The following COG5 variants were observed in gnomAD, a reference collection of about 807,000 sequenced individuals.
COG5 encodes the protein conserved oligomeric Golgi complex subunit 5.
In COG5, 86 loss-of-function variants were observed where a neutral mutation model predicts 110.4. The observed-to-expected ratio is 0.78, with a 90% CI of 0.65 to 0.93. COG5 has a LOEUF of 0.93. Ranked by LOEUF, COG5 falls within the 40% of genes least tolerant of loss-of-function variation. COG5 has a pLI of 0.00. For missense variants in COG5, 1,077 were observed against 987.0 expected (o/e 1.09, Z -1.22); for synonymous variants, 360 against 334.6 (o/e 1.08, Z -0.83).
chr7:107,336,723 C>A (rs545280113), intron 10 of COG5, among the ~76,000 whole-genome samples: 4 of 152,144 alleles, frequency 2.6e-5, no homozygotes, highest in Non-Finnish European at 5.9e-5. Context: ...ATTAAAGTCA[C>A]TGACAGGGTT....
chr7:107,291,325 G>A (rs549829312), intron 12 of COG5, among the ~76,000 whole-genome samples: 2 of 152,052 alleles, frequency 1.3e-5, no homozygotes, highest in Admixed American at 1.3e-4. Flanking sequence ...TCTCTGCCAG[G>A]TCAAAGCTAT....
At chr7:107,207,352 G>C (rs1021568488) in intron 21 of COG5, among the ~76,000 whole-genome samples, 1 of 152,174 alleles carries the variant, frequency 6.6e-6, no homozygotes, top group African/African-American at 2.4e-5. Flanking sequence ...TGAGGGAATG[G>C]CTTCCAGATT....
chr7:107,469,385 T>C (rs926941793), intron 6 of COG5, among the ~76,000 whole-genome samples: 1 of 152,144 alleles, frequency 6.6e-6, no homozygotes, highest in Non-Finnish European at 1.5e-5. Flanking sequence ...TGATTACTGA[T>C]TGAAGTTTTA....
At chr7:107,547,426 GAAAAGTTGA>G (rs1454420416) in intron 5 of COG5, among the ~76,000 whole-genome samples, 4 of 152,178 alleles carry the variant, frequency 2.6e-5, no homozygotes, top group Non-Finnish European at 5.9e-5. Flanking sequence ...AATCAACAGT[GAAAAGTTGA>G]AAGCTTTTCC....
chr7:107,299,855 A>ATATATATC, intron 11 of COG5, among the ~76,000 whole-genome samples: 1 of 136,744 alleles, frequency 7.3e-6, no homozygotes, highest in Middle Eastern at 3.4e-3. Flanking sequence ...ATATATATAT[A>ATATATATC]TATCTGGAAT....
intron 5 of COG5, among the ~76,000 whole-genome samples, chr7:107,531,424 G>A (rs1014222212): frequency 2.0e-5 from 3 of 151,400 alleles, no homozygotes; most frequent in African/African-American, 7.3e-5. Flanking sequence ...ATAAGTGACT[G>A]CAAAATAGTA....
At chr7:107,563,553 G>GA (rs1198871774) in intron 1 of COG5, 1 of 500,712 alleles carries the variant, frequency 2.0e-6, no homozygotes, top group Non-Finnish European at 3.6e-6. Flanking sequence ...ATGGGGGGGG[G>GA]GGGGGTCGAG....
chr7:107,305,255 G>T (rs1286290573), intron 11 of COG5, among the ~76,000 whole-genome samples: 1 of 152,168 alleles, frequency 6.6e-6, no homozygotes, highest in Non-Finnish European at 1.5e-5. Context: ...TTGTTTGGAG[G>T]ATTTGGCCTG....
chr7:107,361,200 T>C (rs1187054385), intron 10 of COG5, among the ~76,000 whole-genome samples: 1 of 152,106 alleles, frequency 6.6e-6, no homozygotes, highest in Non-Finnish European at 1.5e-5. Context: ...CAAAAACACA[T>C]CAATATAATG....
At chr7:107,332,031 T>G (rs1428257027) in intron 10 of COG5, among the ~76,000 whole-genome samples, 1 of 152,084 alleles carries the variant, frequency 6.6e-6, no homozygotes, top group Admixed American at 6.6e-5. Flanking sequence ...GTATTTTTAG[T>G]AGAGATGCGG....
intron 6 of COG5, among the ~76,000 whole-genome samples, chr7:107,450,865 A>G (rs778684431): frequency 6.6e-6 from 1 of 152,128 alleles, no homozygotes; most frequent in African/African-American, 2.4e-5. Flanking sequence ...AGTTATTTTG[A>G]TATCAGACAA....
chr7:107,262,693 A>T (rs1293953027), intron 14 of COG5, among the ~76,000 whole-genome samples: 1 of 151,988 alleles, frequency 6.6e-6, no homozygotes, highest in Admixed American at 6.6e-5. Flanking sequence ...CCTTCTCCTC[A>T]TTTCTCTAAT....
chr7:107,381,778 T>C (rs1815143690), intron 7 of COG5, among the ~76,000 whole-genome samples: 1 of 152,208 alleles, frequency 6.6e-6, no homozygotes, highest in Non-Finnish European at 1.5e-5. Flanking sequence ...AGCAAACTTT[T>C]TGACTTTTGG....
intron 12 of COG5, among the ~76,000 whole-genome samples, chr7:107,297,820 T>C (rs910543009): frequency 6.6e-6 from 1 of 152,138 alleles, no homozygotes; most frequent in East Asian, 1.9e-4. Flanking sequence ...AATGATACTG[T>C]CTGAGGTAAT....
At chr7:107,554,821 T>C (rs1803188067) in intron 2 of COG5, among the ~76,000 whole-genome samples, 1 of 152,096 alleles carries the variant, frequency 6.6e-6, no homozygotes, top group Non-Finnish European at 1.5e-5. Flanking sequence ...CACTAAACCC[T>C]AGTAAGAGCC....
chr7:107,334,112 C>T (rs1417295563), intron 10 of COG5, among the ~76,000 whole-genome samples: 1 of 152,090 alleles, frequency 6.6e-6, no homozygotes, highest in Non-Finnish European at 1.5e-5. Flanking sequence ...TATCTTCATT[C>T]TCATGTTTAC....
At chr7:107,469,851 T>A (rs1406902875) in intron 6 of COG5, among the ~76,000 whole-genome samples, 1 of 152,164 alleles carries the variant, frequency 6.6e-6, no homozygotes, top group East Asian at 1.9e-4. Context: ...TTTAAAATAC[T>A]AATTTACACA....
In COG5 at chr7:107,539,159, G is replaced by A. The variant is rs139400214; in HGVS notation, c.417+8952C>T. On this transcript the variant is annotated intron_variant, in intron 5 of 21. Coordinates refer to ENST00000297135, the MANE Select transcript of COG5 (RefSeq NM_006348.5). ...AAAAATTAGCTGGGCATGGTGGTGCGTGCCTGTTGTCTCAGCTACTCAAGA... is the reference window on the plus strand; with the variant it reads ...AAAAATTAGCTGGGCATGGTGGTGCATGCCTGTTGTCTCAGCTACTCAAGA... Among the ~76,000 whole-genome samples the A allele has an allele frequency of 5.5e-4, 83 of 152,134 alleles. 1 individual carries two copies. Among genetic ancestry groups the A allele is most frequent in the East Asian group, 3.1e-3 (16 of 5,180 alleles).
chr7:107,487,880 T>A (rs1797742372), intron 6 of COG5, among the ~76,000 whole-genome samples: 1 of 152,136 alleles, frequency 6.6e-6, no homozygotes, highest in African/African-American at 2.4e-5. Context: ...CAAAATAGTA[T>A]GTATAATAAA....
Sources: allele counts gnomAD v4.1 joint callset (sites outside exome capture counted in the v4.1 genomes callset), GRCh38; gene constraint gnomAD v4.1.1; transcripts MANE v1.5; gene names NCBI Gene and HGNC (gene_info 2026-07-23, HGNC 2026-07-21).